ARHGAP10: variants seen among roughly 807,000 people sequenced by gnomAD.
The protein encoded by ARHGAP10 is Rho GTPase activating protein 10, also known as rho GTPase-activating protein 10.
ARHGAP10 carries 87 observed loss-of-function variants against 108.6 expected under a neutral mutation model. The ratio of observed to expected loss-of-function variants is 0.80; its 90% CI spans 0.67 to 0.96. The LOEUF (loss-of-function observed/expected upper bound fraction) is 0.96, where lower values mean the gene tolerates loss of function less well. ARHGAP10 is among the 40% of genes least tolerant of loss of function. The pLI is 0.00. For missense variants in ARHGAP10, 939 were observed against 954.5 expected (o/e 0.98, Z 0.21); for synonymous variants, 347 against 341.1 (o/e 1.02, Z -0.19).
At chr4:147,737,375 G>C (rs1728461932) in intron 1 of ARHGAP10, among the ~76,000 whole-genome samples, 1 of 135,160 alleles carries the variant, frequency 7.4e-6, no homozygotes, top group Non-Finnish European at 1.6e-5. Context: ...GGTTGGTCTT[G>C]AACTCCTGGC....
At chr4:147,736,450 C>T (rs766563809) in intron 1 of ARHGAP10, among the ~76,000 whole-genome samples, 19 of 151,938 alleles carry the variant, frequency 1.3e-4, no homozygotes, top group Non-Finnish European at 1.3e-4. Flanking sequence ...AATAATTTTC[C>T]TATTTTGTAA....
chr4:147,916,844 A>G (rs184324632), intron 13 of ARHGAP10: 1 of 152,220 alleles, frequency 6.6e-6, no homozygotes, highest in African/African-American at 2.4e-5. Context: ...CCAAGTTCTG[A>G]AGACAGTGGA....
At chr4:147,998,815 T>C (rs1445567470) in intron 18 of ARHGAP10, among the ~76,000 whole-genome samples, 1 of 152,244 alleles carries the variant, frequency 6.6e-6, no homozygotes, top group Non-Finnish European at 1.5e-5. Context: ...TTCCTAAATA[T>C]ATCTTAAAAT....
chr4:147,843,861 T>C (rs1275938336), intron 3 of ARHGAP10, among the ~76,000 whole-genome samples: 1 of 152,228 alleles, frequency 6.6e-6, no homozygotes, highest in African/African-American at 2.4e-5. Flanking sequence ...TTTCTCCAGT[T>C]TCATTGCCAT....
intron 1 of ARHGAP10, among the ~76,000 whole-genome samples, chr4:147,795,796 G>A (rs564364543): frequency 2.0e-5 from 3 of 151,406 alleles, no homozygotes; most frequent in Admixed American, 6.6e-5. Context: ...CCAGATTCAA[G>A]CTATTCTCCT....
chr4:147,823,219 T>C (rs994314390), intron 3 of ARHGAP10, among the ~76,000 whole-genome samples: 1 of 152,256 alleles, frequency 6.6e-6, no homozygotes, highest in African/African-American at 2.4e-5. Context: ...ACTACATCAC[T>C]GCTTTCTAGC....
chr4:147,735,690 G>C (rs370644272), intron 1 of ARHGAP10, among the ~76,000 whole-genome samples: 1 of 152,214 alleles, frequency 6.6e-6, no homozygotes, highest in Admixed American at 6.5e-5. Flanking sequence ...TTGTGTGTAG[G>C]GTGAAGTTGG....
At chr4:147,972,640 G>A (rs1739454084) in intron 18 of ARHGAP10, among the ~76,000 whole-genome samples, 1 of 152,192 alleles carries the variant, frequency 6.6e-6, no homozygotes, top group African/African-American at 2.4e-5. Flanking sequence ...TGTCAGGGTT[G>A]TCTAGGGCCT....
At chr4:147,781,186 G>A (rs187012694) in intron 1 of ARHGAP10, among the ~76,000 whole-genome samples, 384 of 152,108 alleles carry the variant, frequency 2.5e-3, no homozygotes, top group Non-Finnish European at 4.0e-3. Context: ...GTGAAACCCC[G>A]TCTCTACTAA....
At position 148,014,685 on chromosome 4, in the gene ARHGAP10, G is replaced by A. The variant is rs183936029; in HGVS notation, c.1717-8578G>A. On this transcript the variant is annotated intron_variant, in intron 18 of 22. Coordinates refer to ENST00000336498, the MANE Select transcript of ARHGAP10 (RefSeq NM_024605.4). ...TGGGTGCAATAGGTAGTTCTGGAAT[G>A]TGTTGTACTTTATAAAGTCTGGTTG... Among the ~76,000 whole-genome samples the A allele has an allele frequency of 7.5e-3, 1,146 of 152,342 alleles. 5 individuals are homozygous for A. Among genetic ancestry groups the A allele is most frequent in the Non-Finnish European group, 0.013 (885 of 68,038 alleles).
chr4:147,884,385 T>C (rs1735456724), intron 10 of ARHGAP10, among the ~76,000 whole-genome samples: 1 of 152,198 alleles, frequency 6.6e-6, no homozygotes, highest in South Asian at 2.1e-4. Context: ...GGATCTATTC[T>C]AGTGGTTTTC....
At chr4:147,828,776 A>G (rs1732824197) in intron 3 of ARHGAP10, among the ~76,000 whole-genome samples, 1 of 152,230 alleles carries the variant, frequency 6.6e-6, no homozygotes, top group Admixed American at 6.5e-5. Context: ...AGAGAGAAGT[A>G]GAGCAATTGC....
At chr4:148,004,792 C>T (rs1740878421) in intron 18 of ARHGAP10, among the ~76,000 whole-genome samples, 2 of 152,194 alleles carry the variant, frequency 1.3e-5, no homozygotes. Context: ...GCTTTGTGGG[C>T]TGAGGACCTC....
At chr4:147,856,597 A>G (rs1579122070) in intron 4 of ARHGAP10, among the ~76,000 whole-genome samples, 1 of 152,188 alleles carries the variant, frequency 6.6e-6, no homozygotes, top group African/African-American at 2.4e-5. Context: ...CCTTTAGGCT[A>G]TGTGTGATAG....
At chr4:147,800,237 A>T (rs1383430380) in intron 1 of ARHGAP10, among the ~76,000 whole-genome samples, 1 of 152,212 alleles carries the variant, frequency 6.6e-6, no homozygotes, top group African/African-American at 2.4e-5. Flanking sequence ...ACTGTGGCAT[A>T]GTCCCCCTTC....
At chr4:147,893,739 C>T (rs954619086) in intron 10 of ARHGAP10, among the ~76,000 whole-genome samples, 1 of 151,774 alleles carries the variant, frequency 6.6e-6, no homozygotes, top group Non-Finnish European at 1.5e-5. Context: ...CAATGATGAT[C>T]AGTTACTCGG....
intron 3 of ARHGAP10, among the ~76,000 whole-genome samples, chr4:147,834,679 C>T (rs900782379): frequency 6.6e-6 from 1 of 151,808 alleles, no homozygotes; most frequent in Non-Finnish European, 1.5e-5. Flanking sequence ...GACACATCCA[C>T]CCACCCACAC....
chr4:147,872,099 C>CAAAAAA (rs36205660), intron 7 of ARHGAP10, among the ~76,000 whole-genome samples: 6 of 70,026 alleles, frequency 8.6e-5, no homozygotes, highest in African/African-American at 2.1e-4. Context: ...GAGACTCGGT[C>CAAAAAA]AAAAAAAAAA....
chr4:147,875,511 C>G (rs895822784), intron 8 of ARHGAP10, among the ~76,000 whole-genome samples: 5 of 152,178 alleles, frequency 3.3e-5, no homozygotes, highest in Non-Finnish European at 7.3e-5. Context: ...TTCCCCCTCA[C>G]CTCTACCCTC....
Sources: gnomAD v4.1 joint callset for allele counts (sites outside exome capture counted in the v4.1 genomes callset) on GRCh38, gnomAD v4.1.1 for gene constraint, MANE v1.5 for transcripts, NCBI Gene and HGNC (gene_info 2026-07-23, HGNC 2026-07-21) for gene names.